Variants in C8orf34 observed in about 807,000 individuals in gnomAD.
C8orf34 encodes the protein uncharacterized protein C8orf34.
Under a neutral mutation model 68.3 loss-of-function variants are expected in C8orf34, and 65 were observed. The observed-to-expected ratio is 0.95, with a 90% confidence interval of 0.78 to 1.17. C8orf34 has a LOEUF of 1.17. Among genes scored for constraint, C8orf34 ranks in the 50% most tolerant of loss-of-function variants. The pLI is 0.00. For synonymous variants in C8orf34, 244 were observed against 241.2 expected (o/e 1.01, Z -0.11); for missense variants, 664 against 655.4 (o/e 1.01, Z -0.14).
At chr8:68,354,575 C>T (rs1017679793) in intron 1 of C8orf34, among the ~76,000 whole-genome samples, 20 of 152,078 alleles carry the variant, frequency 1.3e-4, no homozygotes, top group Non-Finnish European at 2.8e-4. Flanking sequence ...GGGGCTGCAT[C>T]ATCCTTCCCT....
intron 12 of C8orf34, among the ~76,000 whole-genome samples, chr8:68,805,158 C>T (rs1824445971): frequency 6.6e-6 from 1 of 152,088 alleles, no homozygotes; most frequent in Non-Finnish European, 1.5e-5. Flanking sequence ...TTGTTTTCAT[C>T]CTGCATTTAT....
At chr8:68,637,332 A>C (rs1042168456) in intron 7 of C8orf34, among the ~76,000 whole-genome samples, 2 of 152,106 alleles carry the variant, frequency 1.3e-5, no homozygotes, top group African/African-American at 4.8e-5. Context: ...AACTCCTCCA[A>C]GTAGAGTGCC....
At chr8:68,695,293 A>C (rs1585741695) in intron 8 of C8orf34, among the ~76,000 whole-genome samples, 1 of 151,800 alleles carries the variant, frequency 6.6e-6, no homozygotes, top group African/African-American at 2.4e-5. Context: ...GATTACAGGA[A>C]CCCGCCACCA....
At chr8:68,362,593 C>T (rs1807053221) in intron 1 of C8orf34, among the ~76,000 whole-genome samples, 1 of 152,162 alleles carries the variant, frequency 6.6e-6, no homozygotes, top group East Asian at 1.9e-4. Context: ...GTCCCTGACC[C>T]CCGAGCAGCC....
At chr8:68,390,482 T>A (rs1808436049) in intron 1 of C8orf34, among the ~76,000 whole-genome samples, 1 of 152,146 alleles carries the variant, frequency 6.6e-6, no homozygotes, top group Non-Finnish European at 1.5e-5. Flanking sequence ...AGTTAGTACA[T>A]ATCAGGACAG....
At chr8:68,800,019 G>T (rs930746761) in intron 12 of C8orf34, among the ~76,000 whole-genome samples, 4 of 152,124 alleles carry the variant, frequency 2.6e-5, no homozygotes, top group African/African-American at 9.7e-5. Context: ...AATACTGTTT[G>T]GGGAGACACA....
chr8:68,408,208 G>C (rs1809284390), intron 1 of C8orf34, among the ~76,000 whole-genome samples: 1 of 151,526 alleles, frequency 6.6e-6, no homozygotes, highest in Admixed American at 6.6e-5. Flanking sequence ...CTCCTTATGA[G>C]AATCTAATGC....
intron 5 of C8orf34, among the ~76,000 whole-genome samples, chr8:68,494,006 C>T (rs1201473437): frequency 1.3e-5 from 2 of 152,072 alleles, no homozygotes; most frequent in Admixed American, 1.3e-4. Flanking sequence ...TGAAGCCATC[C>T]CACTTCTAAG....
intron 8 of C8orf34, among the ~76,000 whole-genome samples, chr8:68,683,143 AC>A (rs1362504191): frequency 6.6e-6 from 1 of 151,740 alleles, no homozygotes; most frequent in Non-Finnish European, 1.5e-5. Context: ...AGAAATCTGG[AC>A]CCCCCAGACT....
chr8:68,598,354 T>A (rs925749749), intron 7 of C8orf34, among the ~76,000 whole-genome samples: 9 of 152,140 alleles, frequency 5.9e-5, no homozygotes, highest in African/African-American at 2.2e-4. Context: ...TGAGACTACT[T>A]TTGCTTATGG....
intron 1 of C8orf34, among the ~76,000 whole-genome samples, chr8:68,435,356 A>G (rs151028856): frequency 6.6e-6 from 1 of 152,220 alleles, no homozygotes; most frequent in Non-Finnish European, 1.5e-5. Flanking sequence ...GGTTTATGAT[A>G]GAGAGTTAGA....
Position 68,709,097 on chromosome 8 carries a change from CAAT to C in C8orf34, c.1327+20_1327+22del. Reference sequence around the variant, plus strand: ...TTCATTCGGTAAGTTTTAAGTCCAACAATATTTATTGCAGTTCTAGTGGCACTT... The same window carrying C: ...TTCATTCGGTAAGTTTTAAGTCCAACATTTATTGCAGTTCTAGTGGCACTT... On this transcript the variant is annotated intron_variant, in intron 9 of 13. Transcript: ENST00000518698. 7.6e-6 allele frequency: 12 copies of C among 1,575,244 alleles called. No homozygotes were observed. The highest frequency in any genetic ancestry group is 1.0e-5 in the Non-Finnish European group (12 of 1,146,376).
chr8:68,568,610 G>A lies in C8orf34; in HGVS notation c.1105+35461G>A, dbSNP rs116423492. Reference sequence around the variant, plus strand: ...AATAAAATAAAGCACAATAAAGTAAGCTATACTTATAGATGACTAATATAT... The same window carrying A: ...AATAAAATAAAGCACAATAAAGTAAACTATACTTATAGATGACTAATATAT... On this transcript the variant is annotated intron_variant, in intron 7 of 13. Transcript: ENST00000518698. 8.2e-3 allele frequency among the ~76,000 whole-genome samples: 1,242 copies of A among 151,784 alleles called. 21 individuals carry two copies. The highest frequency in any genetic ancestry group is 0.028 in the African/African-American group (1,170 of 41,398).
At chr8:68,720,311 T>A (rs757138165) in intron 9 of C8orf34, among the ~76,000 whole-genome samples, 2 of 151,978 alleles carry the variant, frequency 1.3e-5, no homozygotes, top group Non-Finnish European at 2.9e-5. Flanking sequence ...TTCTGAGTTA[T>A]CAGAGATAGA....
At chr8:68,708,392 T>G (rs758558549) in intron 8 of C8orf34, among the ~76,000 whole-genome samples, 45 of 152,194 alleles carry the variant, frequency 3.0e-4, no homozygotes, top group Admixed American at 1.4e-3. Context: ...AATTACAACT[T>G]ATATAACAGT....
At chr8:68,354,331 T>C (rs1806653353) in intron 1 of C8orf34, among the ~76,000 whole-genome samples, 1 of 152,040 alleles carries the variant, frequency 6.6e-6, no homozygotes, top group Non-Finnish European at 1.5e-5. Context: ...TTCTAGGCAA[T>C]TTATTCTTAC....
At chr8:68,586,342 A>C (rs563631126) in intron 7 of C8orf34, among the ~76,000 whole-genome samples, 8 of 152,220 alleles carry the variant, frequency 5.3e-5, no homozygotes, top group African/African-American at 1.9e-4. Context: ...GTTGACAAAG[A>C]TCTTGTATAT....
chr8:68,790,131 G>A (rs1823952040), intron 12 of C8orf34, among the ~76,000 whole-genome samples: 1 of 152,184 alleles, frequency 6.6e-6, no homozygotes, highest in Admixed American at 6.5e-5. Flanking sequence ...ACCAGGTGCT[G>A]GGACATGTAT....
chr8:68,628,419 C>T (rs984837887), intron 7 of C8orf34, among the ~76,000 whole-genome samples: 9 of 152,070 alleles, frequency 5.9e-5, no homozygotes, highest in African/African-American at 7.2e-5. Context: ...AATTATGTTT[C>T]GTTCTCCTTT....
Sources: allele counts gnomAD v4.1 joint callset (sites outside exome capture counted in the v4.1 genomes callset), GRCh38; gene constraint gnomAD v4.1.1; transcripts MANE v1.5; gene names NCBI Gene and HGNC (gene_info 2026-07-23, HGNC 2026-07-21).